The following LPL variants were observed in gnomAD, a reference collection of about 807,000 sequenced individuals.
The protein encoded by LPL is phospholipase A1.
Under a neutral mutation model 52.2 loss-of-function variants are expected in LPL, and 43 were observed. That is an observed-to-expected ratio of 0.82 (90% confidence interval 0.64 to 1.06). LPL has a LOEUF of 1.06. Among genes scored for constraint, LPL ranks in the 50% least tolerant of loss-of-function variants. The probability of loss-of-function intolerance (pLI) is 0.00; values close to 1 mark genes in which losing one functional copy is unlikely to be tolerated. For synonymous variants in LPL, 244 were observed against 215.6 expected, an observed-to-expected ratio of 1.13 and a Z score of -1.15; for missense variants, 639 against 585.3, an observed-to-expected ratio of 1.09 and a Z score of -0.95.
chr8:19,948,203 G>T lies in LPL; in HGVS notation c.112G>T (p.Glu38Ter). ...ADQRRDFIDIESKFALRTPED... is the reference protein window; with the variant it reads ...ADQRRDFIDI ...AGAAAGAAGAGATTTTATCGACATC[G>T]AAAGTAAATTTGCCCTAAGGACCCC... is the stretch of plus-strand genomic sequence containing the variant. Residue 38 changes from glutamate (E) to a stop codon, truncating the protein, a stop_gained, in exon 2 of 10, where the codon GAA becomes TAA. Transcript: ENST00000650287. LOFTEE classifies it high-confidence loss of function. 1 of 1,614,060 alleles carries T rather than the reference G, an allele frequency of 6.2e-7. No homozygotes were observed. Among genetic ancestry groups the T allele is most frequent in the Non-Finnish European group, 8.5e-7 (1 of 1,180,008 alleles).
At chr8:19,956,633 C>G (rs993637902) in intron 6 of LPL, among the ~76,000 whole-genome samples, 1 of 152,248 alleles carries the variant, frequency 6.6e-6, no homozygotes, top group African/African-American at 2.4e-5. Flanking sequence ...GCCCCAGTGT[C>G]TGTTGTTCCC....
Position 19,960,965 on chromosome 8 carries a change from C to A in LPL, c.1204C>A (p.Leu402Ile). Reference protein sequence around the residue: ...LIYTEVDIGELLMLKLKWKSD... With the variant: ...LIYTEVDIGEILMLKLKWKSD... Reference sequence around the variant, plus strand: ...TTACACAGAGGTAGATATTGGAGAACTACTCATGTTGAAGCTCAAATGGAA... The same window carrying A: ...TTACACAGAGGTAGATATTGGAGAAATACTCATGTTGAAGCTCAAATGGAA... The change falls in exon 8 of 10, where the codon CTA becomes ATA. Residue 402 changes from leucine to isoleucine, a missense_variant. Leu to Ile is a conservative substitution (Grantham distance 5). Transcript: ENST00000650287. 1 of 1,613,996 alleles carries A rather than the reference C, an allele frequency of 6.2e-7. No individual in the cohort carries two copies. Among genetic ancestry groups the A allele is most frequent in the South Asian group, 1.1e-5 (1 of 91,074 alleles).
At chr8:19,948,946 A>G (rs546275690) in intron 2 of LPL, among the ~76,000 whole-genome samples, 27 of 151,996 alleles carry the variant, frequency 1.8e-4, no homozygotes, top group African/African-American at 5.3e-4. Flanking sequence ...AAAAAAAAAA[A>G]GGGCTGGGCA....
intron 3 of LPL, among the ~76,000 whole-genome samples, chr8:19,952,327 A>T (rs760342295): frequency 6.6e-6 from 1 of 152,168 alleles, no homozygotes; most frequent in Admixed American, 6.5e-5. Flanking sequence ...TTGACATACC[A>T]ATCTCTTTCA....
intron 8 of LPL, 47 bp downstream of exon 8, chr8:19,961,130 G>C: frequency 6.4e-7 from 1 of 1,565,464 alleles, no homozygotes; most frequent in Non-Finnish European, 8.7e-7. Flanking sequence ...CCCACCTGAT[G>C]TCAGGACCTA....
At chr8:19,954,020 C>A in intron 4 of LPL, 100 bp from the exon 5 acceptor site, 1 of 840,012 alleles carries the variant, frequency 1.2e-6, no homozygotes, top group South Asian at 1.4e-5. Flanking sequence ...TAATAAGAAT[C>A]TAAATAGCTG....
intron 2 of LPL, among the ~76,000 whole-genome samples, chr8:19,951,245 G>C (rs2069931613): frequency 6.6e-6 from 1 of 152,160 alleles, no homozygotes; most frequent in Admixed American, 6.5e-5. Context: ...TGTGAAGTAG[G>C]GGATCCTGGC....
chr8:19,957,492 G>C (rs1017621204), intron 6 of LPL, among the ~76,000 whole-genome samples: 1 of 152,170 alleles, frequency 6.6e-6, no homozygotes, highest in African/African-American at 2.4e-5. Context: ...AGAGAGGACT[G>C]TGGGACCATA....
intron 1 of LPL, among the ~76,000 whole-genome samples, chr8:19,947,103 T>C (rs1400075888): frequency 2.0e-5 from 3 of 152,226 alleles, no homozygotes; most frequent in Non-Finnish European, 2.9e-5. Context: ...CTAAATTATT[T>C]CTTAGAACAT....
chr8:19,955,481 T>A (rs937976274), intron 5 of LPL, among the ~76,000 whole-genome samples: 5 of 152,184 alleles, frequency 3.3e-5, no homozygotes, highest in African/African-American at 4.8e-5. Flanking sequence ...GGCAGGTATA[T>A]GTTTCTAGAA....
At chr8:19,940,188 C>T (rs1368750334) in intron 1 of LPL, among the ~76,000 whole-genome samples, 1 of 152,244 alleles carries the variant, frequency 6.6e-6, no homozygotes, top group Non-Finnish European at 1.5e-5. Context: ...CTCTGGGGAG[C>T]CCCGGACTCT....
In LPL at chr8:19,964,031, C is replaced by A. The variant is rs748412166; in HGVS notation, c.*-1279C>A. Among the ~76,000 whole-genome samples, 189 of 152,136 alleles carry A rather than the reference C, an allele frequency of 1.2e-3. 1 individual carries two copies. The highest frequency in any genetic ancestry group is 1.2e-3 in the Non-Finnish European group (82 of 68,000). On this transcript the variant is annotated intron_variant, in intron 9 of 9. Coordinates refer to ENST00000650287, the MANE Select transcript of LPL (RefSeq NM_000237.3). Reference sequence around the variant, plus strand: ...GTAGTGGCTCGATCTCAGCTCACTGCAACCTCCACCTCCTGGGTTCAAGCA... The same window carrying A: ...GTAGTGGCTCGATCTCAGCTCACTGAAACCTCCACCTCCTGGGTTCAAGCA...
chr8:19,945,867 A>G (rs529330992), intron 1 of LPL, among the ~76,000 whole-genome samples: 19 of 152,332 alleles, frequency 1.2e-4, no homozygotes, highest in Admixed American at 3.3e-4. Flanking sequence ...TCTGCTTTAA[A>G]AAGATTGATC....
rs1025082974 is a variant in LPL at position 19,956,789 on chromosome 8, C to G, written c.1018+706C>G. Among the ~76,000 whole-genome samples, 5 of 152,136 alleles carry G rather than the reference C, an allele frequency of 3.3e-5. No individual in the cohort carries two copies. In the East Asian group the frequency reaches 9.6e-4, roughly 29 times the overall value. On this transcript the variant is annotated intron_variant, in intron 6 of 9. Transcript: ENST00000650287. ...ACTCCCTGGCCCTTTACAGAATGTT[C>G]ACAACTTACATAAAGGCAAGGACCA...
chr8:19,946,883 T>C (rs551822797), intron 1 of LPL, among the ~76,000 whole-genome samples: 12 of 152,366 alleles, frequency 7.9e-5, no homozygotes, highest in African/African-American at 2.6e-4. Context: ...CTATTGTCCA[T>C]AGTTTCAAAA....
At chr8:19,954,074 G>A (rs555126466) in intron 4 of LPL, 46 bp from the exon 5 acceptor site, 42 of 1,374,144 alleles carry the variant, frequency 3.1e-5, no homozygotes, top group South Asian at 3.0e-4. Context: ...AATGTCATAC[G>A]AATGGAAATT....
chr8:19,961,803 C>T (rs924481944), intron 8 of LPL, among the ~76,000 whole-genome samples: 2 of 152,038 alleles, frequency 1.3e-5, no homozygotes, highest in Non-Finnish European at 2.9e-5. Flanking sequence ...TTCCTTAATG[C>T]AGATGCTAAG....
chr8:19,964,325 T>G (rs1445541922), intron 9 of LPL, among the ~76,000 whole-genome samples: 1 of 152,170 alleles, frequency 6.6e-6, no homozygotes, highest in Non-Finnish European at 1.5e-5. Context: ...ATCTACAACT[T>G]TAAATCTACA....
intron 1 of LPL, among the ~76,000 whole-genome samples, chr8:19,943,533 G>A (rs546659796): frequency 3.9e-4 from 59 of 152,254 alleles, no homozygotes; most frequent in African/African-American, 1.4e-3. Context: ...GTTAGTTTGA[G>A]ACAACTGGAT....
Sources: allele counts gnomAD v4.1 joint callset (sites outside exome capture counted in the v4.1 genomes callset), GRCh38; gene constraint gnomAD v4.1.1; transcripts MANE v1.5; gene names NCBI Gene and HGNC (gene_info 2026-07-23, HGNC 2026-07-21).